Variants in PDE10A observed in about 807,000 individuals in gnomAD.
The protein encoded by PDE10A is cAMP and cAMP-inhibited cGMP 3',5'-cyclic phosphodiesterase 10A.
PDE10A carries 39 observed loss-of-function variants against 97.7 expected under a neutral mutation model. That is an observed-to-expected ratio of 0.40 (90% confidence interval 0.31 to 0.52). The LOEUF (loss-of-function observed/expected upper bound fraction) is 0.52. Among genes scored for constraint, PDE10A ranks in the 20% least tolerant of loss-of-function variants. The pLI is 0.56. For synonymous variants in PDE10A, 371 were observed against 376.8 expected, an observed-to-expected ratio of 0.98 and a Z score of 0.18; for missense variants, 731 against 1,047.8, an observed-to-expected ratio of 0.70 and a Z score of 4.17.
chr6:165,448,863 C>A, intron 5 of PDE10A, 65 bp downstream of exon 5: 3 of 1,000,846 alleles, frequency 3.0e-6, no homozygotes, highest in South Asian at 1.5e-5. Flanking sequence ...TTGTTTATAA[C>A]TTTTTTAAAG....
At chr6:165,731,153 C>T (rs897743142) in intron 1 of PDE10A, among the ~76,000 whole-genome samples, 1 of 152,212 alleles carries the variant, frequency 6.6e-6, no homozygotes, top group Admixed American at 6.5e-5. Context: ...CCTGTCCCTG[C>T]GGCCTCGTGG....
At chr6:165,876,956 A>AAGTC (rs1171290386) in intron 1 of PDE10A, among the ~76,000 whole-genome samples, 1 of 152,222 alleles carries the variant, frequency 6.6e-6, no homozygotes, top group African/African-American at 2.4e-5. Flanking sequence ...GTCACACTGA[A>AAGTC]AGTCAGCCTG....
chr6:165,757,071 G>A (rs995163129), intron 1 of PDE10A, among the ~76,000 whole-genome samples: 3 of 151,804 alleles, frequency 2.0e-5, no homozygotes, highest in Non-Finnish European at 4.4e-5. Context: ...GGGTTCAAGC[G>A]ATTCTTCTGC....
chr6:165,616,124 C>T (rs1395088182), intron 1 of PDE10A, among the ~76,000 whole-genome samples: 2 of 152,152 alleles, frequency 1.3e-5, no homozygotes, highest in East Asian at 1.9e-4. Flanking sequence ...TTTTCCGAGT[C>T]GGTTGTGTTT....
intron 1 of PDE10A, among the ~76,000 whole-genome samples, chr6:165,703,235 T>C (rs1791624619): frequency 1.3e-5 from 2 of 152,214 alleles, no homozygotes; most frequent in Non-Finnish European, 2.9e-5. Context: ...GTGCTACACC[T>C]GGAGTGGTGT....
intron 16 of PDE10A, among the ~76,000 whole-genome samples, chr6:165,390,597 T>C (rs1785638678): frequency 6.6e-6 from 1 of 152,130 alleles, no homozygotes; most frequent in Admixed American, 6.5e-5. Context: ...GTAGGCAGTG[T>C]TCTCCAAGAG....
chr6:165,864,610 T>G (rs963961444), intron 1 of PDE10A, among the ~76,000 whole-genome samples: 2 of 152,248 alleles, frequency 1.3e-5, no homozygotes, highest in Non-Finnish European at 2.9e-5. Flanking sequence ...ATATCATATG[T>G]GGCTAGTGGG....
At chr6:165,406,843 G>A (rs1787217927) in intron 13 of PDE10A, among the ~76,000 whole-genome samples, 1 of 152,130 alleles carries the variant, frequency 6.6e-6, no homozygotes, top group Non-Finnish European at 1.5e-5. Context: ...CTGTTCTAAA[G>A]CTGGGACACC....
chr6:165,820,605 G>A (rs773652818), intron 1 of PDE10A, among the ~76,000 whole-genome samples: 7 of 152,200 alleles, frequency 4.6e-5, no homozygotes, highest in African/African-American at 1.7e-4. Context: ...GCCCCCCAGC[G>A]TCTGGTCCTC....
chr6:165,513,627 G>A (rs949894620), intron 2 of PDE10A, among the ~76,000 whole-genome samples: 7 of 152,076 alleles, frequency 4.6e-5, no homozygotes, highest in Admixed American at 2.6e-4. Flanking sequence ...TCAATTTGGG[G>A]AGAATTGTTA....
chr6:165,968,648 T>C (rs1482259588), intron 1 of PDE10A, among the ~76,000 whole-genome samples: 1 of 152,220 alleles, frequency 6.6e-6, no homozygotes, highest in Non-Finnish European at 1.5e-5. Context: ...CAGTTGTGTC[T>C]AACTGGGGCT....
chr6:165,696,480 G>T (rs1212222614), intron 1 of PDE10A, among the ~76,000 whole-genome samples: 2 of 152,096 alleles, frequency 1.3e-5, no homozygotes, highest in African/African-American at 4.8e-5. Context: ...CCTCTCTGTT[G>T]TCAGATTTAA....
At chr6:165,827,661 AT>A (rs1779799916) in intron 1 of PDE10A, among the ~76,000 whole-genome samples, 1 of 152,138 alleles carries the variant, frequency 6.6e-6, no homozygotes, top group Non-Finnish European at 1.5e-5. Context: ...TTTCTAATGC[AT>A]TTTTTATTGC....
At chr6:165,734,481 A>G (rs538549424) in intron 1 of PDE10A, among the ~76,000 whole-genome samples, 24 of 152,366 alleles carry the variant, frequency 1.6e-4, no homozygotes, top group African/African-American at 5.5e-4. Context: ...TGAAATTCTT[A>G]GAAAAGGATC....
intron 1 of PDE10A, among the ~76,000 whole-genome samples, chr6:165,546,353 C>G (rs1783739123): frequency 6.6e-6 from 1 of 151,980 alleles, no homozygotes; most frequent in African/African-American, 2.4e-5. Flanking sequence ...ATACATGACA[C>G]TATGAATTTG....
chr6:165,846,298 A>C (rs1252824653), intron 1 of PDE10A, among the ~76,000 whole-genome samples: 1 of 152,248 alleles, frequency 6.6e-6, no homozygotes, highest in Non-Finnish European at 1.5e-5. Context: ...TTTCCAGAGA[A>C]GCCTGTAATT....
intron 2 of PDE10A, among the ~76,000 whole-genome samples, chr6:165,536,312 A>G (rs1301524539): frequency 2.0e-5 from 3 of 151,992 alleles, no homozygotes; most frequent in African/African-American, 7.2e-5. Flanking sequence ...ACATAAATCA[A>G]AATGGATTAA....
intron 1 of PDE10A, among the ~76,000 whole-genome samples, chr6:165,712,892 G>A (rs1366390811): frequency 2.0e-5 from 3 of 151,988 alleles, no homozygotes; most frequent in Non-Finnish European, 2.9e-5. Context: ...TGCCTGCCTC[G>A]GCCTCCCAGA....
At chr6:165,679,942 T>C (rs574398203) in intron 1 of PDE10A, among the ~76,000 whole-genome samples, 1 of 152,052 alleles carries the variant, frequency 6.6e-6, no homozygotes, top group South Asian at 2.1e-4. Context: ...TGGTGGACAT[T>C]GTTGAGTATT....
Sources: allele counts gnomAD v4.1 joint callset (sites outside exome capture counted in the v4.1 genomes callset), GRCh38; gene constraint gnomAD v4.1.1; transcripts MANE v1.5; gene names NCBI Gene and HGNC (gene_info 2026-07-23, HGNC 2026-07-21).